The following SH3TC2 variants were observed in gnomAD, a reference collection of about 807,000 sequenced individuals.
The protein encoded by SH3TC2 is SH3 domain and tetratricopeptide repeat-containing protein 2.
A neutral mutation model predicts 124.5 loss-of-function variants in SH3TC2; 87 were observed. The ratio of observed to expected loss-of-function variants is 0.70; its 90% CI spans 0.59 to 0.84. The LOEUF (loss-of-function observed/expected upper bound fraction) is 0.84. SH3TC2 is among the 40% of genes least tolerant of loss of function. The pLI is 0.00. For missense variants in SH3TC2, 1,536 were observed against 1,566.4 expected, an observed-to-expected ratio of 0.98 and a Z score of 0.33; for synonymous variants, 634 against 628.5, an observed-to-expected ratio of 1.01 and a Z score of -0.13.
chr5:149,046,029 G>A, intron 3 of SH3TC2: 1 of 377,366 alleles, frequency 2.6e-6, no homozygotes, highest in African/African-American at 2.2e-5. Context: ...GTTTGTCCAA[G>A]CCTCCGGAGT....
chr5:149,036,333 C>T (rs1319101376), intron 8 of SH3TC2, among the ~76,000 whole-genome samples: 4 of 152,084 alleles, frequency 2.6e-5, no homozygotes, highest in Non-Finnish European at 5.9e-5. Flanking sequence ...CCTCACTTGG[C>T]CCTGCTGTAC....
At chr5:149,043,640 T>G (rs1454964067) in intron 4 of SH3TC2, 2 of 151,882 alleles carry the variant, frequency 1.3e-5, no homozygotes, top group South Asian at 4.2e-4. Context: ...AGGGTTGAGC[T>G]TCTCCTTTTT....
In SH3TC2 at chr5:149,063,030, C is replaced by A; in HGVS notation, c.-8G>T. On this transcript the variant is annotated 5_prime_UTR_variant, in exon 1 of 17. Transcript: ENST00000515425. Reference sequence around the variant, plus strand: ...GCAGAAGCAGCCACCCATGTGTGTACCATCCTACCCTGGCCGAGGCCCTTG... The same window carrying A: ...GCAGAAGCAGCCACCCATGTGTGTAACATCCTACCCTGGCCGAGGCCCTTG... 9 of 1,598,182 alleles carry A rather than the reference C, an allele frequency of 5.6e-6. No individual in the cohort carries two copies. Among genetic ancestry groups the A allele is most frequent in the Non-Finnish European group, 6.8e-6 (8 of 1,171,834 alleles).
chr5:149,033,512 C>T (rs1313824732), intron 8 of SH3TC2, among the ~76,000 whole-genome samples: 1 of 152,172 alleles, frequency 6.6e-6, no homozygotes, highest in Non-Finnish European at 1.5e-5. Context: ...TGGCCCAGAG[C>T]TCCTGGTGGT....
intron 1 of SH3TC2, among the ~76,000 whole-genome samples, chr5:149,057,909 A>T (rs1430694417): frequency 2.0e-5 from 3 of 152,226 alleles, no homozygotes; most frequent in Non-Finnish European, 4.4e-5. Flanking sequence ...TGGCCACATG[A>T]TCAAAGTTAA....
intron 2 of SH3TC2, among the ~76,000 whole-genome samples, chr5:149,049,642 G>A (rs954309546): frequency 3.3e-5 from 5 of 152,048 alleles, no homozygotes; most frequent in African/African-American, 1.2e-4. Flanking sequence ...ATGGTGGCCT[G>A]GGCATGGTGG....
At chr5:149,021,800 G>C (rs914337699) in intron 12 of SH3TC2, among the ~76,000 whole-genome samples, 18 of 147,410 alleles carry the variant, frequency 1.2e-4, no homozygotes, top group Admixed American at 4.8e-4. Flanking sequence ...CCTTACAAAG[G>C]TAAGTCAAGA....
In SH3TC2 at chr5:148,994,010, A is replaced by C. The variant is rs1019759023; in HGVS notation, c.*10701T>G. 6.6e-6 allele frequency among the ~76,000 whole-genome samples: 1 copy of C among 152,236 alleles called. No individual in the cohort carries two copies. The highest frequency in any genetic ancestry group is 6.5e-5 in the Admixed American group (1 of 15,290). On this transcript the variant is annotated 3_prime_UTR_variant, in exon 17 of 17. Transcript: ENST00000515425. Reference sequence around the variant, plus strand: ...TCATCTCCATTTGCCAATGATAAACATGAAGCACCAAGAGCTTAACAACTT... The same window carrying C: ...TCATCTCCATTTGCCAATGATAAACCTGAAGCACCAAGAGCTTAACAACTT...
chr5:149,061,452 TG>T (rs1754746015), intron 1 of SH3TC2, among the ~76,000 whole-genome samples: 1 of 152,110 alleles, frequency 6.6e-6, no homozygotes, highest in Admixed American at 6.5e-5. Context: ...GTCATCAAAA[TG>T]GAATTAACAA....
At chr5:149,028,775 T>A (rs560945700) in intron 9 of SH3TC2, 57 bp from the exon 10 acceptor site, 1 of 1,579,126 alleles carries the variant, frequency 6.3e-7, no homozygotes, top group East Asian at 2.2e-5. Flanking sequence ...ACCATGCCCA[T>A]GCCTCCAGGT....
intron 14 of SH3TC2, 34 bp from the exon 15 acceptor site, chr5:149,009,035 C>G: frequency 6.2e-7 from 1 of 1,613,814 alleles, no homozygotes; most frequent in Non-Finnish European, 8.5e-7. Flanking sequence ...CTTAGTCTAG[C>G]TAGGAATCCT....
At position 149,006,960 on chromosome 5, in the gene SH3TC2, C is replaced by T. The variant is rs761972717; in HGVS notation, c.3596G>A (p.Trp1199Ter). Residue 1199 changes from tryptophan (W) to a stop codon, truncating the protein, a stop_gained, in exon 16 of 17, where the codon TGG becomes TAG. Transcript: ENST00000515425. LOFTEE classifies it high-confidence loss of function. Reference sequence around the variant, plus strand: ...CAGGGCCTCCTTGGGACTCTGCAGCCATGGTGGACAGAGGGACAGGGTCTT... The same window carrying T: ...CAGGGCCTCCTTGGGACTCTGCAGCTATGGTGGACAGAGGGACAGGGTCTT... ...YLKTLSLCPP[W>*]LQSPKEALYY... The T allele has an allele frequency of 6.2e-7, 1 of 1,613,984 alleles. No homozygotes were observed. The highest frequency in any genetic ancestry group is 2.2e-5 in the East Asian group (1 of 44,876).
rs1754531558 is a variant in SH3TC2 at position 149,050,105 on chromosome 5, A to T, written c.151+2037T>A. ...TGTGAATCTCCTTACCATGCACATG[A>T]ATCTATGTATATGGAACTCAAAAGA... On this transcript the variant is annotated intron_variant, in intron 2 of 16. Coordinates refer to ENST00000515425, the MANE Select transcript of SH3TC2 (RefSeq NM_024577.4). Among the ~76,000 whole-genome samples, 4 of 152,164 alleles carry T rather than the reference A, an allele frequency of 2.6e-5. No homozygotes were observed. The South Asian group carries it at 8.3e-4, about 32-fold the overall frequency.
Position 149,028,358 on chromosome 5 carries a change from A to G in SH3TC2, c.1374T>C (p.Thr458=). The change falls in exon 11 of 17, where the codon ACT becomes ACC. Residue 458 remains threonine (T), a synonymous_variant. Transcript: ENST00000515425. The part of the protein sequence containing the change: ...DDPELLMDLS[T]GQEEEAENFA... ...AGTTCTCAGCCTCCTCCTCCTGACC[A>G]GTGCTTAGGTCCATGAGCAGTTCCG... The G allele has an allele frequency of 6.2e-7, 1 of 1,614,146 alleles. No individual in the cohort carries two copies. Among genetic ancestry groups the G allele is most frequent in the Non-Finnish European group, 8.5e-7 (1 of 1,180,036 alleles).
intron 8 of SH3TC2, 39 bp from the exon 9 acceptor site, chr5:149,031,726 A>G (rs1754197407): frequency 6.2e-7 from 1 of 1,612,442 alleles, no homozygotes; most frequent in Non-Finnish European, 8.5e-7. Context: ...GATTACTGCA[A>G]GGCTTCAGAC....
At position 149,028,271 on chromosome 5, in the gene SH3TC2, A is replaced by G. The variant is rs1172358008; in HGVS notation, c.1461T>C (p.Tyr487=). The G allele has an allele frequency of 1.9e-6, 3 of 1,614,030 alleles. No individual in the cohort carries two copies. Among genetic ancestry groups the G allele is most frequent in the Non-Finnish European group, 2.5e-6 (3 of 1,180,040 alleles). ...EGYADHFKSL[Y]DFSFSFLTSS... ...AAGTGAGGAAAGAGAAGGAGAAGTC[A>G]TAGAGACTCTTAAAGTGGTCAGCAT... is the stretch of plus-strand genomic sequence containing the variant. Residue 487 remains tyrosine (Y), a synonymous_variant, in exon 11 of 17, where the codon TAT becomes TAC. Transcript: ENST00000515425.
Position 148,993,317 on chromosome 5 carries a change from G to A in SH3TC2, c.*11394C>T, listed in dbSNP as rs1358688407. On this transcript the variant is annotated 3_prime_UTR_variant, in exon 17 of 17. Transcript: ENST00000515425. ...AATTCAGTGGCAGAAGCTAAAATTT[G>A]ACCTAAATAAATTATTGTCAATAAA... Among the ~76,000 whole-genome samples, 3 of 152,056 alleles carry A rather than the reference G, an allele frequency of 2.0e-5. No individual in the cohort carries two copies. The highest frequency in any genetic ancestry group is 1.9e-4 in the East Asian group (1 of 5,194).
rs546309709 is a variant in SH3TC2 at position 148,991,609 on chromosome 5, A to G, written c.*13102T>C. Among the ~76,000 whole-genome samples the G allele has an allele frequency of 2.0e-5, 3 of 152,342 alleles. No homozygotes were observed. Among genetic ancestry groups the G allele is most frequent in the Admixed American group, 6.5e-5 (1 of 15,302 alleles). On this transcript the variant is annotated 3_prime_UTR_variant, in exon 17 of 17. Coordinates refer to ENST00000515425, the MANE Select transcript of SH3TC2 (RefSeq NM_024577.4). ...TAGTAACATCAAGTAGTCTCCAGACATTGCAGCTGGGTGGTTGAAATGCTT... is the reference window on the plus strand; with the variant it reads ...TAGTAACATCAAGTAGTCTCCAGACGTTGCAGCTGGGTGGTTGAAATGCTT...
intron 12 of SH3TC2, among the ~76,000 whole-genome samples, chr5:149,018,159 C>T (rs1409093649): frequency 6.6e-6 from 1 of 152,126 alleles, no homozygotes; most frequent in Non-Finnish European, 1.5e-5. Context: ...CTTTCTACGT[C>T]AGAGGGTGGT....
Sources: allele counts gnomAD v4.1 joint callset (sites outside exome capture counted in the v4.1 genomes callset), GRCh38; gene constraint gnomAD v4.1.1; transcripts MANE v1.5; gene names NCBI Gene and HGNC (gene_info 2026-07-23, HGNC 2026-07-21).